IFT25: variants seen among roughly 807,000 people sequenced by gnomAD.
IFT25 encodes intraflagellar transport 25.
At chr1:53,938,217 A>G in the IFT25 span, among the ~76,000 whole-genome samples, 2 of 152,228 alleles carry the variant, frequency 1.3e-5, no homozygotes, top group Non-Finnish European at 2.9e-5. Flanking sequence ...AGCCCTATGC[A>G]AATGTACAGT....
chr1:53,915,059 TA>T, the IFT25 span, among the ~76,000 whole-genome samples: 1 of 152,248 alleles, frequency 6.6e-6, no homozygotes, highest in Non-Finnish European at 1.5e-5. Context: ...CAAAAATTCA[TA>T]TATTGTTGAC....
At chr1:53,931,224 C>T in the IFT25 span, among the ~76,000 whole-genome samples, 152 of 152,218 alleles carry the variant, frequency 1.0e-3, no homozygotes, top group Non-Finnish European at 1.7e-3. Flanking sequence ...CAGCTTTTTA[C>T]TATTAGGAAC....
the IFT25 span, chr1:53,923,598 T>A: frequency 7.4e-6 from 2 of 272,046 alleles, no homozygotes; most frequent in Non-Finnish European, 6.9e-6. Context: ...TATTCTAAAA[T>A]GCCTACAGAA....
chr1:53,924,265 AAT>A, the IFT25 span, among the ~76,000 whole-genome samples: 4 of 152,324 alleles, frequency 2.6e-5, no homozygotes, highest in African/African-American at 9.6e-5. Flanking sequence ...ATTTAAAAAA[AAT>A]CCCCCTTTCA....
At chr1:53,912,863 G>C in the IFT25 span, among the ~76,000 whole-genome samples, 2 of 152,318 alleles carry the variant, frequency 1.3e-5, no homozygotes, top group East Asian at 3.9e-4. Context: ...TTTACGATTC[G>C]ACAGATCTGA....
chr1:53,924,730 G>A, the IFT25 span, among the ~76,000 whole-genome samples: 13 of 152,228 alleles, frequency 8.5e-5, no homozygotes, highest in East Asian at 1.9e-4. Context: ...CCAGCTACTC[G>A]GGAGGCTGAG....
chr1:53,945,968 G>A, the IFT25 span: 1 of 121,396 alleles, frequency 8.2e-6, no homozygotes, highest in African/African-American at 3.2e-5. Flanking sequence ...GCCCCACCCC[G>A]CCTCAGCCCC....
chr1:53,933,591 T>C, the IFT25 span, among the ~76,000 whole-genome samples: 1 of 152,252 alleles, frequency 6.6e-6, no homozygotes, highest in Admixed American at 6.5e-5. Context: ...CATCCTTTTA[T>C]TTTCAACTAT....
chr1:53,938,888 A>G, the IFT25 span, among the ~76,000 whole-genome samples: 9 of 152,116 alleles, frequency 5.9e-5, no homozygotes, highest in Non-Finnish European at 7.4e-5. Context: ...CAGCCTGACC[A>G]ACATGGAGAA....
chr1:53,913,494 G>A, the IFT25 span, among the ~76,000 whole-genome samples: 1 of 152,144 alleles, frequency 6.6e-6, no homozygotes, highest in Non-Finnish European at 1.5e-5. Flanking sequence ...ACATAGTGTG[G>A]GATGAGGAGT....
At chr1:53,930,246 A>C in the IFT25 span, 1 of 1,097,814 alleles carries the variant, frequency 9.1e-7, no homozygotes, top group African/African-American at 1.7e-5. Flanking sequence ...TGACTACTGG[A>C]TTCTCACATC....
At chr1:53,941,041 C>G in the IFT25 span, among the ~76,000 whole-genome samples, 1 of 152,056 alleles carries the variant, frequency 6.6e-6, no homozygotes, top group Non-Finnish European at 1.5e-5. Context: ...GTTGCCCAGG[C>G]TGGAGTGCAA....
At chr1:53,929,537 T>C in the IFT25 span, 1 of 152,552 alleles carries the variant, frequency 6.6e-6, no homozygotes, top group Non-Finnish European at 1.5e-5. Context: ...ATTAGAATGA[T>C]GTCCCAAGGG....
At chr1:53,935,764 T>C in the IFT25 span, among the ~76,000 whole-genome samples, 1 of 152,072 alleles carries the variant, frequency 6.6e-6, no homozygotes, top group Non-Finnish European at 1.5e-5. Context: ...TGAACCACCT[T>C]GCCCAGCCAA....
the IFT25 span, chr1:53,929,865 C>A: frequency 9.2e-7 from 1 of 1,087,432 alleles, no homozygotes; most frequent in South Asian, 2.5e-5. Context: ...CCCATCCTTT[C>A]ACCCCAGCAA....
the IFT25 span, among the ~76,000 whole-genome samples, chr1:53,922,680 G>A: frequency 6.6e-6 from 1 of 152,050 alleles, no homozygotes; most frequent in Non-Finnish European, 1.5e-5. Context: ...ATTACAGAGG[G>A]GACAAACTGT....
the IFT25 span, among the ~76,000 whole-genome samples, chr1:53,936,323 G>C: frequency 6.6e-6 from 1 of 151,696 alleles, no homozygotes; most frequent in Non-Finnish European, 1.5e-5. Context: ...GGTGGTGCAT[G>C]CCTGTAGTCC....
the IFT25 span, among the ~76,000 whole-genome samples, chr1:53,913,684 CAT>C: frequency 6.6e-6 from 1 of 152,180 alleles, no homozygotes; most frequent in Non-Finnish European, 1.5e-5. Context: ...CCCCAAAATG[CAT>C]ATGTTGAAGA....
the IFT25 span, among the ~76,000 whole-genome samples, chr1:53,934,500 T>A: frequency 6.6e-6 from 1 of 152,236 alleles, no homozygotes; most frequent in African/African-American, 2.4e-5. Context: ...AGCTTGGGGC[T>A]TGCTGAGTTT....
Sources: allele counts gnomAD v4.1 joint callset (sites outside exome capture counted in the v4.1 genomes callset), GRCh38; gene constraint gnomAD v4.1.1; transcripts MANE v1.5; gene names NCBI Gene and HGNC (gene_info 2026-07-23, HGNC 2026-07-21).